ZNF521: variants seen among roughly 807,000 people sequenced by gnomAD.
ZNF521 encodes zinc finger protein 521.
In ZNF521, 14 loss-of-function variants were observed where a neutral mutation model predicts 105.5. The observed-to-expected ratio is 0.13, with a 90% confidence interval of 0.09 to 0.21. The LOEUF is 0.21. Among genes scored for constraint, ZNF521 ranks in the 10% least tolerant of loss-of-function variants. The pLI is 1.00. For synonymous variants in ZNF521, 635 were observed against 606.0 expected, an observed-to-expected ratio of 1.05 and a Z score of -0.70; for missense variants, 1,233 against 1,629.7, an observed-to-expected ratio of 0.76 and a Z score of 4.19.
At position 25,225,994 on chromosome 18, in the gene ZNF521, T is replaced by C. The variant is rs765266642; in HGVS notation, c.1924A>G (p.Lys642Glu). 1 of 1,614,204 alleles carries C rather than the reference T, an allele frequency of 6.2e-7. No homozygotes were observed. The change falls in exon 4 of 8, where the codon AAG (lysine) becomes GAG (glutamate). Residue 642 changes from lysine (K) to glutamate (E), a missense_variant. This residue lies in a region of ZNF521 where 614 missense variants were observed against 751.5 expected (regional missense o/e 0.82). Coordinates refer to ENST00000361524, the MANE Select transcript of ZNF521 (RefSeq NM_015461.3). The surrounding 1 kb of genome is among the most constrained non-coding windows in gnomAD (Gnocchi z 5.6). ...GEYICNQCGA[K>E]YTSLDSFQTH... ...TGAAAGCTGTCTAGGGATGTGTACTTAGCACCACATTGATTACAGATATAT... is the reference window on the plus strand; with the variant it reads ...TGAAAGCTGTCTAGGGATGTGTACTCAGCACCACATTGATTACAGATATAT...
At chr18:25,112,654 G>T (rs66702172) in intron 5 of ZNF521, among the ~76,000 whole-genome samples, 4,421 of 151,978 alleles carry the variant, frequency 0.029, 130 homozygotes, top group East Asian at 0.13. Context: ...TGTGGGGTGC[G>T]GGGGGGCAGA....
At position 25,293,351 on chromosome 18, in the gene ZNF521, TACACACACAC is replaced by T. The variant is rs55818021; in HGVS notation, c.220+28647_220+28656del. Among the ~76,000 whole-genome samples, 162 of 143,236 alleles carry T rather than the reference TACACACACAC, an allele frequency of 1.1e-3. 2 individuals are homozygous for T. In the East Asian group the frequency reaches 0.03, roughly 26 times the overall value. The allele number at this position is 143,236 out of a possible 152,430, so 94.0% of individuals were successfully genotyped here. On this transcript the variant is annotated intron_variant, in intron 3 of 7. Transcript: ENST00000361524. ...ATTTTCTTGCTTGCACATGTACACA[TACACACACAC>T]ACACACACACACACACACACACACA...
chr18:25,192,377 C>T (rs1338710791), intron 5 of ZNF521, among the ~76,000 whole-genome samples: 1 of 152,074 alleles, frequency 6.6e-6, no homozygotes, highest in African/African-American at 2.4e-5. Flanking sequence ...TGGCCAACAG[C>T]CTGAGACCAG....
intron 2 of ZNF521, among the ~76,000 whole-genome samples, chr18:25,326,785 CAAG>C (rs778134421): frequency 1.3e-5 from 2 of 152,106 alleles, no homozygotes; most frequent in African/African-American, 4.8e-5. Flanking sequence ...AATATGAATG[CAAG>C]AAGATTACTT....
At chr18:25,099,810 A>G (rs1177744906) in intron 5 of ZNF521, among the ~76,000 whole-genome samples, 1 of 152,236 alleles carries the variant, frequency 6.6e-6, no homozygotes, top group Admixed American at 6.5e-5. Flanking sequence ...GTGGAAGTAC[A>G]GGTATATTTA....
At chr18:25,088,333 A>G (rs2033670605) in intron 7 of ZNF521, among the ~76,000 whole-genome samples, 1 of 151,032 alleles carries the variant, frequency 6.6e-6, no homozygotes, top group African/African-American at 2.4e-5. Flanking sequence ...CTCCTGCCTC[A>G]GCCTCTCAAG....
chr18:25,154,584 A>G (rs1308213539), intron 5 of ZNF521, among the ~76,000 whole-genome samples: 2 of 152,140 alleles, frequency 1.3e-5, no homozygotes, highest in Non-Finnish European at 2.9e-5. Flanking sequence ...GGGGGAAGAA[A>G]TTTTATTAGC....
At position 25,104,507 on chromosome 18, in the gene ZNF521, T is replaced by C. The variant is rs971660675; in HGVS notation, c.3659-12426A>G. On this transcript the variant is annotated intron_variant, in intron 5 of 7. Coordinates refer to ENST00000361524, the MANE Select transcript of ZNF521 (RefSeq NM_015461.3). ...TTAGCTCACTTATTGGTTTCATTCT[T>C]GGTAAAGAAATCATAAAAGTCCAGG... Among the ~76,000 whole-genome samples, 4 of 152,198 alleles carry C rather than the reference T, an allele frequency of 2.6e-5. No individual in the cohort carries two copies. In the South Asian group the frequency reaches 8.3e-4, roughly 31 times the overall value.
Position 25,226,199 on chromosome 18 carries a change from G to A in ZNF521, c.1719C>T (p.Ser573=), listed in dbSNP as rs1225889844. The change falls in exon 4 of 8, where the codon AGC becomes AGT. Residue 573 remains serine (S), a synonymous_variant. Coordinates refer to ENST00000361524, the MANE Select transcript of ZNF521 (RefSeq NM_015461.3). This position sits in a 1 kb window ranked among gnomAD's most constrained non-coding sequence, Gnocchi z 4.1. The stretch of plus-strand genomic sequence containing the variant: ...TGATATGCTTGTTCAGTTTAAGAAC[G>A]CTGTTGAATATTGGCGAATTTGTAC... The part of the protein sequence containing the change: ...SYCTNSPIFN[S]VLKLNKHIKE... 23 of 1,614,146 alleles carry A rather than the reference G, an allele frequency of 1.4e-5. No individual in the cohort carries two copies. Among genetic ancestry groups the A allele is most frequent in the Admixed American group, 3.3e-5 (2 of 60,022 alleles).
At chr18:25,250,088 G>A (rs1908008251) in intron 3 of ZNF521, among the ~76,000 whole-genome samples, 1 of 152,160 alleles carries the variant, frequency 6.6e-6, no homozygotes, top group Non-Finnish European at 1.5e-5. Context: ...ACAGGTGCCC[G>A]CCACCACTCC....
chr18:25,337,139 G>C (rs1913936871), intron 2 of ZNF521, among the ~76,000 whole-genome samples: 1 of 152,144 alleles, frequency 6.6e-6, no homozygotes, highest in Admixed American at 6.6e-5. Context: ...TATATTCCCA[G>C]AAATATTCTG....
At chr18:25,323,240 G>A (rs4800212) in intron 2 of ZNF521, among the ~76,000 whole-genome samples, 41,947 of 151,488 alleles carry the variant, frequency 0.28, 5,893 homozygotes, top group South Asian at 0.36. Context: ...CTCAAAATAC[G>A]GTAAAATTAA....
At chr18:25,066,892 A>C (rs548952230) in intron 7 of ZNF521, among the ~76,000 whole-genome samples, 1 of 152,360 alleles carries the variant, frequency 6.6e-6, no homozygotes, top group East Asian at 1.9e-4. Flanking sequence ...CCAATTTTAC[A>C]CAGCAATTCA....
intron 5 of ZNF521, among the ~76,000 whole-genome samples, chr18:25,155,960 G>A (rs2035136133): frequency 6.6e-6 from 1 of 152,130 alleles, no homozygotes; most frequent in South Asian, 2.1e-4. Context: ...GAATAAAACA[G>A]TGGGAAAGAT....
chr18:25,174,435 AG>A (rs1478877391), intron 5 of ZNF521, among the ~76,000 whole-genome samples: 1 of 152,190 alleles, frequency 6.6e-6, no homozygotes, highest in Non-Finnish European at 1.5e-5. Flanking sequence ...TCTACTCATA[AG>A]GGGACCCAGG....
At chr18:25,154,369 G>A (rs528247192) in intron 5 of ZNF521, among the ~76,000 whole-genome samples, 1 of 152,230 alleles carries the variant, frequency 6.6e-6, no homozygotes, top group East Asian at 1.9e-4. Context: ...ATGAAATGTG[G>A]ACAAAAAGAT....
intron 3 of ZNF521, among the ~76,000 whole-genome samples, chr18:25,236,784 G>C (rs1906930479): frequency 2.0e-5 from 3 of 152,050 alleles, no homozygotes; most frequent in African/African-American, 7.2e-5. Context: ...ATGAGATAAT[G>C]TTTATAAAAG....
At chr18:25,150,165 T>G (rs997903321) in intron 5 of ZNF521, among the ~76,000 whole-genome samples, 1 of 152,150 alleles carries the variant, frequency 6.6e-6, no homozygotes, top group South Asian at 2.1e-4. Context: ...TTATTCTCAG[T>G]GCAGTAACTC....
intron 5 of ZNF521, among the ~76,000 whole-genome samples, chr18:25,159,862 CACATGGT>C (rs2035218615): frequency 6.6e-6 from 1 of 152,146 alleles, no homozygotes; most frequent in Admixed American, 6.5e-5. Flanking sequence ...GATAATAGTA[CACATGGT>C]TATGCGGGTG....
Sources: gnomAD v4.1 joint callset for allele counts (sites outside exome capture counted in the v4.1 genomes callset) on GRCh38, gnomAD v4.1.1 for gene constraint, gnomAD v4.1.1 regional missense constraint, Gnocchi (gnomAD v3.1) non-coding constraint, MANE v1.5 for transcripts, NCBI Gene and HGNC (gene_info 2026-07-23, HGNC 2026-07-21) for gene names.